Variants in DNAAF4 observed in about 807,000 individuals in gnomAD.
The protein encoded by DNAAF4 is dynein assembly factor 4, axonemal.
In DNAAF4, 43 loss-of-function variants were observed where a neutral mutation model predicts 51.8. The observed-to-expected ratio is 0.83, with a 90% CI of 0.65 to 1.07. DNAAF4 has a LOEUF of 1.07. DNAAF4 is among the 50% of genes least tolerant of loss of function. The pLI is 0.00. For synonymous variants in DNAAF4, 194 were observed against 165.6 expected (o/e 1.17, Z -1.32); for missense variants, 581 against 493.0 (o/e 1.18, Z -1.69).
At chr15:55,470,045 T>C (rs2058230368) in intron 4 of DNAAF4, among the ~76,000 whole-genome samples, 1 of 150,802 alleles carries the variant, frequency 6.6e-6, no homozygotes, top group African/African-American at 2.5e-5. Flanking sequence ...ACCTCGCTTA[T>C]ATTTACCCCT....
intron 4 of DNAAF4, among the ~76,000 whole-genome samples, chr15:55,478,771 A>T (rs1212380083): frequency 6.6e-6 from 1 of 152,172 alleles, no homozygotes; most frequent in Non-Finnish European, 1.5e-5. Flanking sequence ...AGTCCTATCA[A>T]ATCAACCTTT....
chr15:55,505,224 T>A (rs1457644981), intron 1 of DNAAF4, among the ~76,000 whole-genome samples: 4 of 152,166 alleles, frequency 2.6e-5, no homozygotes, highest in African/African-American at 7.2e-5. Context: ...TGAGATACCA[T>A]CTCACACCAG....
chr15:55,459,766 C>A (rs1299545484), intron 5 of DNAAF4, among the ~76,000 whole-genome samples: 4 of 150,962 alleles, frequency 2.6e-5, no homozygotes, highest in Non-Finnish European at 4.4e-5. Flanking sequence ...TGTAGTGGTG[C>A]AATCTTGGCT....
chr15:55,453,824 A>C (rs1330326013), intron 5 of DNAAF4, among the ~76,000 whole-genome samples: 2 of 151,956 alleles, frequency 1.3e-5, no homozygotes, highest in African/African-American at 4.8e-5. Flanking sequence ...TGCTGGGATT[A>C]CAGGCATGAG....
intron 4 of DNAAF4, among the ~76,000 whole-genome samples, chr15:55,487,272 A>C (rs1329753693): frequency 6.6e-6 from 1 of 152,204 alleles, no homozygotes; most frequent in African/African-American, 2.4e-5. Flanking sequence ...TGCACCAATC[A>C]GTGCTCTGTG....
intron 3 of DNAAF4, among the ~76,000 whole-genome samples, chr15:55,492,209 A>G (rs2058583758): frequency 1.1e-5 from 1 of 93,894 alleles, no homozygotes; most frequent in South Asian, 2.9e-4. Context: ...ACTGAAGACT[A>G]CGATCAATGG....
At chr15:55,451,282 T>C (rs568731518) in intron 5 of DNAAF4, among the ~76,000 whole-genome samples, 2 of 152,320 alleles carry the variant, frequency 1.3e-5, no homozygotes, top group African/African-American at 4.8e-5. Context: ...TAACAAAGTA[T>C]TACATTAAAG....
chr15:55,467,208 C>G lies in DNAAF4; in HGVS notation c.406-47G>C, dbSNP rs771726094. On this transcript the variant is annotated intron_variant, in intron 4 of 9. Coordinates refer to ENST00000321149, the MANE Select transcript of DNAAF4 (RefSeq NM_130810.4). ...AATTCTTTAAAATACATAAAAGCAA[C>G]ATTTATTTAAATGAGAAATTCATTA... is the stretch of plus-strand genomic sequence containing the variant. 3 of 1,392,252 alleles carry G rather than the reference C, an allele frequency of 2.2e-6. No individual in the cohort carries two copies. In the East Asian group the frequency reaches 7.0e-5, roughly 33 times the overall value. The allele number at this position is 1,392,252 out of a possible 1,614,324, so 86.2% of individuals were successfully genotyped here.
At chr15:55,483,824 C>G (rs2058445397) in intron 4 of DNAAF4, among the ~76,000 whole-genome samples, 1 of 121,232 alleles carries the variant, frequency 8.2e-6, no homozygotes, top group African/African-American at 3.0e-5. Flanking sequence ...TCACACCCAG[C>G]CAATAAAGCT....
At position 55,422,941 on chromosome 15, in the gene DNAAF4, G is replaced by A. The variant is rs568133593; in HGVS notation, c.1048-4808C>T. On this transcript the variant is annotated intron_variant, in intron 7 of 7. Transcript: ENST00000448430. ...GAACCCAGGAGGCAGAGTTTGCAAT[G>A]AGCCAAGATCACGACATTGCACTCC... 1.1e-4 allele frequency among the ~76,000 whole-genome samples: 17 copies of A among 152,072 alleles called. No individual in the cohort carries two copies. In the South Asian group the frequency reaches 3.5e-3, roughly 32 times the overall value.
chr15:55,482,176 G>C (rs563039848), intron 4 of DNAAF4, among the ~76,000 whole-genome samples: 1 of 152,246 alleles, frequency 6.6e-6, no homozygotes, highest in African/African-American at 2.4e-5. Flanking sequence ...CAAGAACTGG[G>C]ACAACTCATA....
intron 1 of DNAAF4, among the ~76,000 whole-genome samples, chr15:55,503,587 G>A (rs532041878): frequency 1.3e-5 from 2 of 152,174 alleles, no homozygotes; most frequent in East Asian, 1.9e-4. Context: ...CGATCAAGTC[G>A]GCTCCATCCC....
At chr15:55,455,612 A>C (rs895800224) in intron 5 of DNAAF4, among the ~76,000 whole-genome samples, 3 of 151,812 alleles carry the variant, frequency 2.0e-5, no homozygotes, top group Non-Finnish European at 2.9e-5. Flanking sequence ...TTGCATTTTT[A>C]GTAGAGACAG....
At chr15:55,429,398 T>C (rs1475644143), downstream of DNAAF4, among the ~76,000 whole-genome samples, 2 of 149,712 alleles carry the variant, frequency 1.3e-5, no homozygotes, top group African/African-American at 5.0e-5. Context: ...GTGCCTGTAA[T>C]CTCAGCTACT....
intron 8 of DNAAF4, among the ~76,000 whole-genome samples, chr15:55,433,924 T>TATATA (rs2057553083): frequency 5.1e-4 from 18 of 35,436 alleles, no homozygotes; most frequent in Non-Finnish European, 8.5e-4. Flanking sequence ...TTATATATAT[T>TATATA]ATATTATATA....
chr15:55,433,481 C>T (rs1314656690), intron 8 of DNAAF4, among the ~76,000 whole-genome samples: 1 of 151,570 alleles, frequency 6.6e-6, no homozygotes, highest in East Asian at 1.9e-4. Context: ...AAAAAATTAG[C>T]CGGGTATGAT....
intron 7 of DNAAF4, among the ~76,000 whole-genome samples, chr15:55,422,253 G>A (rs2057394943): frequency 6.6e-6 from 1 of 152,228 alleles, no homozygotes; most frequent in African/African-American, 2.4e-5. Flanking sequence ...GAAAGGGAAG[G>A]TTTCTGATAA....
chr15:55,476,995 A>G (rs2058343926), intron 4 of DNAAF4, among the ~76,000 whole-genome samples: 1 of 151,936 alleles, frequency 6.6e-6, no homozygotes, highest in Admixed American at 6.6e-5. Flanking sequence ...ACATGGTGAA[A>G]CCCCGTCTCT....
intron 6 of DNAAF4, among the ~76,000 whole-genome samples, chr15:55,444,260 A>C (rs890920411): frequency 6.6e-6 from 1 of 152,210 alleles, no homozygotes; most frequent in African/African-American, 2.4e-5. Flanking sequence ...CTTTCTACAT[A>C]TGGCTAGCCA....
Sources: gnomAD v4.1 joint callset for allele counts (sites outside exome capture counted in the v4.1 genomes callset) on GRCh38, gnomAD v4.1.1 for gene constraint, MANE v1.5 for transcripts, NCBI Gene and HGNC (gene_info 2026-07-23, HGNC 2026-07-21) for gene names.